The following RPS15 variants were observed in gnomAD, a reference collection of about 807,000 sequenced individuals.
RPS15 encodes the protein small ribosomal subunit protein uS19.
Under a neutral mutation model 14.9 loss-of-function variants are expected in RPS15, and 5 were observed. The observed-to-expected ratio is 0.34, with a 90% confidence interval of 0.18 to 0.70. RPS15 has a LOEUF of 0.70. RPS15 is among the 30% of genes least tolerant of loss of function. The pLI is 0.65. For missense variants in RPS15, 102 were observed against 204.2 expected, an observed-to-expected ratio of 0.50 and a Z score of 3.05; for synonymous variants, 103 against 85.0, an observed-to-expected ratio of 1.21 and a Z score of -1.16.
chr19:1,439,062 G>T, intron 2 of RPS15, 170 bp downstream of exon 2: 1 of 598,966 alleles, frequency 1.7e-6, no homozygotes, highest in East Asian at 3.1e-5. Flanking sequence ...GTCCAGAGAC[G>T]TTGAGGTTTT....
chr19:1,438,507 G>A lies in RPS15; in HGVS notation c.3+79G>A. ...CTCTGACCGTCTCGCGGGGGCCGCA[G>A]TTCGTCCCCGCGGCTACGGCGGCTT... On this transcript the variant is annotated intron_variant, in intron 1 of 3. Transcript: ENST00000592588. This position sits in a 1 kb window ranked among gnomAD's most constrained non-coding sequence, Gnocchi z 4.8. 6.2e-7 allele frequency: 1 copy of A among 1,609,970 alleles called. No homozygotes were observed.
Position 1,438,764 on chromosome 19 carries a change from TG to T in RPS15, c.4-40del. ...CCTCGGGCCCGGTGGCCCCGGGAGA[TG>T]GGTGTCGGGATCCCGCTGACGCCCG... On this transcript the variant is annotated intron_variant, in intron 1 of 3. Coordinates refer to ENST00000592588, the MANE Select transcript of RPS15 (RefSeq NM_001018.5). The surrounding 1 kb of genome is among the most constrained non-coding windows in gnomAD (Gnocchi z 4.8). The T allele has an allele frequency of 6.4e-7, 1 of 1,561,730 alleles. No homozygotes were observed. The highest frequency in any genetic ancestry group is 1.2e-5 in the South Asian group (1 of 85,698).
rs542947201 is a variant in RPS15, at chr19:1,438,560, T to C, written c.3+132T>C. On this transcript the variant is annotated intron_variant, in intron 1 of 3. Transcript: ENST00000592588. The surrounding 1 kb of genome is among the most constrained non-coding windows in gnomAD (Gnocchi z 4.8). ...TCCCGACCCTGCAGGCGGCTGGATGTTGGGGCGAGGGGCGGACTTGGTGGG... is the reference window on the plus strand; with the variant it reads ...TCCCGACCCTGCAGGCGGCTGGATGCTGGGGCGAGGGGCGGACTTGGTGGG... 2 of 1,573,258 alleles carry C rather than the reference T, an allele frequency of 1.3e-6. No homozygotes were observed. Among genetic ancestry groups the C allele is most frequent in the South Asian group, 2.3e-5 (2 of 87,226 alleles).
At position 1,438,928 on chromosome 19, in the gene RPS15, G is replaced by T. The variant is rs1363767237; in HGVS notation, c.89+36G>T. ...CCGCGGGGGTCGCGGGCAGGGGCTG[G>T]GCCAGCGGTGGGGCTTGTCCGGGTG... On this transcript the variant is annotated intron_variant, in intron 2 of 3. Coordinates refer to ENST00000592588, the MANE Select transcript of RPS15 (RefSeq NM_001018.5). This position sits in a 1 kb window ranked among gnomAD's most constrained non-coding sequence, Gnocchi z 4.8. 2 of 1,536,300 alleles carry T rather than the reference G, an allele frequency of 1.3e-6. No homozygotes were observed. The highest frequency in any genetic ancestry group is 3.9e-5 in the Admixed American group (2 of 51,288).
chr19:1,439,025 TG>T, intron 2 of RPS15, 133 bp downstream of exon 2: 3 of 727,970 alleles, frequency 4.1e-6, no homozygotes, highest in Non-Finnish European at 2.2e-6. Context: ...GGTTTGGAAC[TG>T]AGTGTGGTCT....
In RPS15 at chr19:1,438,692, C is replaced by A; in HGVS notation, c.4-115C>A. ...CGGGGACGGGTCGAAGCGGTGTGTC[C>A]CTGTCGGGCTTCTGTCCCCGGCGGC... On this transcript the variant is annotated intron_variant, in intron 1 of 3. Transcript: ENST00000592588. This position sits in a 1 kb window ranked among gnomAD's most constrained non-coding sequence, Gnocchi z 4.8. The A allele has an allele frequency of 1.3e-6, 2 of 1,533,498 alleles. No homozygotes were observed. The highest frequency in any genetic ancestry group is 1.8e-6 in the Non-Finnish European group (2 of 1,133,738). The allele number at this position is 1,533,498 out of a possible 1,614,324, so 95.0% of individuals were successfully genotyped here.
At position 1,438,636 on chromosome 19, in the gene RPS15, G is replaced by A; in HGVS notation, c.4-171G>A. 1 of 1,532,872 alleles carries A rather than the reference G, an allele frequency of 6.5e-7. No individual in the cohort carries two copies. The highest frequency in any genetic ancestry group is 2.0e-5 in the Admixed American group (1 of 50,070). The allele number at this position is 1,532,872 out of a possible 1,614,324, so 95.0% of individuals were successfully genotyped here. A position where few individuals can be genotyped will look rare whatever the true frequency, so the allele number is the denominator to read the frequency against. On this transcript the variant is annotated intron_variant, in intron 1 of 3. Transcript: ENST00000592588. This position sits in a 1 kb window ranked among gnomAD's most constrained non-coding sequence, Gnocchi z 4.8. ...GGCCTGTCCGGGCCTTCATGTCCGG[G>A]TCCTCGTAACCCGGAGCCGCGAGTG...
intron 2 of RPS15, 113 bp from the exon 3 acceptor site, chr19:1,439,906 C>T (rs1293921204): frequency 2.3e-6 from 2 of 858,992 alleles, no homozygotes; most frequent in African/African-American, 3.3e-5. Flanking sequence ...AGTGACAGGT[C>T]CACTGCGGCT....
chr19:1,439,826 G>C (rs2083638854), intron 2 of RPS15, 193 bp from the exon 3 acceptor site: 1 of 637,996 alleles, frequency 1.6e-6, no homozygotes, highest in Non-Finnish European at 2.8e-6. Flanking sequence ...GCATGTGAGG[G>C]GTGAGTCGCG....
At chr19:1,439,226 A>G (rs902367687) in intron 2 of RPS15, 10 of 318,054 alleles carry the variant, frequency 3.1e-5, no homozygotes, top group Non-Finnish European at 5.7e-5. Flanking sequence ...CTTTCCAGGC[A>G]GGGTGGTGGT....
At chr19:1,439,956 C>CGGAGT in intron 2 of RPS15, 63 bp from the exon 3 acceptor site, 1 of 1,328,342 alleles carries the variant, frequency 7.5e-7, no homozygotes, top group South Asian at 1.3e-5. Context: ...CTCTGTCCGC[C>CGGAGT]GGAGTGCGTA....
chr19:1,439,772 GC>G, intron 2 of RPS15: 1 of 614,120 alleles, frequency 1.6e-6, no homozygotes. Context: ...TGGTCTCCGG[GC>G]CGCTTGTTCT....
intron 2 of RPS15, 107 bp from the exon 3 acceptor site, chr19:1,439,912 C>T (rs2083639510): frequency 7.7e-6 from 7 of 908,762 alleles, no homozygotes; most frequent in African/African-American, 1.6e-5. Context: ...AGGTCCACTG[C>T]GGCTCTGTCC....
In RPS15 at chr19:1,440,250, C is replaced by G. The variant is rs2083643578; in HGVS notation, c.321C>G (p.Ile107Met). ...GCAAGACCTTCAACCAGGTGGAGAT[C>G]AAGGTGTGTGCGGCCGTCCCTGCCG... is the stretch of plus-strand genomic sequence containing the variant. ...YNGKTFNQVEIKPEMIGHYLG... is the reference protein window; with the variant it reads ...YNGKTFNQVEMKPEMIGHYLG... The change falls in exon 3 of 4, where the codon ATC (isoleucine) becomes ATG (methionine). Residue 107 changes from isoleucine to methionine, a missense_variant. Ile to Met is a conservative substitution (Grantham distance 10, BLOSUM62 1). Coordinates refer to ENST00000592588, the MANE Select transcript of RPS15 (RefSeq NM_001018.5). The G allele has an allele frequency of 1.2e-6, 2 of 1,612,826 alleles. No homozygotes were observed. Among genetic ancestry groups the G allele is most frequent in the Non-Finnish European group, 8.5e-7 (1 of 1,179,552 alleles).
chr19:1,440,049 C>T lies in RPS15; in HGVS notation c.120C>T (p.Arg40=). ...YEQLMQLYSA[R]QRRRLNRGLR... ...AGCTGATGCAGCTGTACAGTGCGCGCCAGCGGCGGCGGCTGAACCGGGGCC... is the reference window on the plus strand; with the variant it reads ...AGCTGATGCAGCTGTACAGTGCGCGTCAGCGGCGGCGGCTGAACCGGGGCC... The change falls in exon 3 of 4, where the codon CGC becomes CGT. Residue 40 remains arginine, a synonymous_variant. Transcript: ENST00000592588. The T allele has an allele frequency of 6.4e-7, 1 of 1,557,394 alleles. No individual in the cohort carries two copies. The highest frequency in any genetic ancestry group is 1.2e-5 in the South Asian group (1 of 84,590).
intron 2 of RPS15, chr19:1,439,586 C>G: frequency 2.6e-6 from 1 of 381,752 alleles, no homozygotes; most frequent in Non-Finnish European, 4.8e-6. Flanking sequence ...GTGGAAACAG[C>G]GTTTCTCTGT....
At chr19:1,440,302 G>GCA in intron 3 of RPS15, 47 bp from the exon 4 acceptor site, 2 of 1,606,016 alleles carry the variant, frequency 1.2e-6, no homozygotes, top group East Asian at 2.2e-5. Context: ...GTCGCCTGAT[G>GCA]CAGGCGGGAT....
At chr19:1,439,898 T>C (rs1025566426) in intron 2 of RPS15, 121 bp from the exon 3 acceptor site, 2 of 821,400 alleles carry the variant, frequency 2.4e-6, no homozygotes, top group African/African-American at 3.4e-5. Flanking sequence ...CAATGGACAG[T>C]GACAGGTCCA....
At chr19:1,439,508 C>T in intron 2 of RPS15, 1 of 215,594 alleles carries the variant, frequency 4.6e-6, no homozygotes, top group Non-Finnish European at 9.5e-6. Flanking sequence ...GATCCACCTG[C>T]CTCGGCCTCC....
Sources: gnomAD v4.1 joint callset for allele counts on GRCh38, gnomAD v4.1.1 for gene constraint, Gnocchi (gnomAD v3.1) non-coding constraint, MANE v1.5 for transcripts, NCBI Gene and HGNC (gene_info 2026-07-23, HGNC 2026-07-21) for gene names.